The following ZNF496 variants were observed in gnomAD, a reference collection of about 807,000 sequenced individuals.
ZNF496 encodes zinc finger protein 496.
A neutral mutation model predicts 58.9 loss-of-function variants in ZNF496; 11 were observed. That is an observed-to-expected ratio of 0.19 (90% confidence interval 0.12 to 0.31). The LOEUF is 0.31. ZNF496 is among the 10% of genes least tolerant of loss of function. The probability of loss-of-function intolerance (pLI) is 1.00; values close to 1 mark genes in which losing one functional copy is unlikely to be tolerated. For synonymous variants in ZNF496, 338 were observed against 318.2 expected (o/e 1.06, Z -0.66); for missense variants, 660 against 783.0 (o/e 0.84, Z 1.88).
At chr1:247,314,789 C>T (rs1659718763) in intron 6 of ZNF496, among the ~76,000 whole-genome samples, 1 of 152,098 alleles carries the variant, frequency 6.6e-6, no homozygotes. Flanking sequence ...CTCTGTCGCC[C>T]AGGCTGAAGT....
In ZNF496 at chr1:247,308,705, T is replaced by TG; in HGVS notation, c.893-118dup. 1.0e-6 allele frequency: 1 copy of TG among 963,600 alleles called. No individual in the cohort carries two copies. The highest frequency in any genetic ancestry group is 1.5e-5 in the South Asian group (1 of 65,172). The allele number at this position is 963,600 out of a possible 1,614,324, so 59.7% of individuals were successfully genotyped here. On this transcript the variant is annotated intron_variant, in intron 8 of 9. Transcript: ENST00000682384. The surrounding 1 kb of genome is among the most constrained non-coding windows in gnomAD (Gnocchi z 4.5). ...CTGGGGGCGGCCCTGGGCTCCGTCCTGGGGACTGGCAGGGGGTGGCCACTC... is the reference window on the plus strand; with the variant it reads ...CTGGGGGCGGCCCTGGGCTCCGTCCTGGGGGACTGGCAGGGGGTGGCCACTC...
In ZNF496 at chr1:247,305,165, G is replaced by A. The variant is rs181156809; in HGVS notation, c.1006+3310C>T. 1.6e-3 allele frequency among the ~76,000 whole-genome samples: 251 copies of A among 152,208 alleles called. 2 individuals are homozygous for A. In the Middle Eastern group the frequency reaches 0.017, roughly 10 times the overall value. On this transcript the variant is annotated intron_variant, in intron 9 of 9. Coordinates refer to ENST00000682384, the MANE Select transcript of ZNF496 (RefSeq NM_032752.3). ...TATGGGTGGGTGGGCTCCCACATAT[G>A]GTGGGAGGCCGAGGCAGGAAAATTG...
chr1:247,329,630 A>G lies in ZNF496; in HGVS notation c.-37-15T>C. The G allele has an allele frequency of 6.6e-7, 1 of 1,513,586 alleles. No homozygotes were observed. The highest frequency in any genetic ancestry group is 8.8e-7 in the Non-Finnish European group (1 of 1,134,436). 93.8% of individuals were successfully genotyped at this position (1,513,586 alleles called of 1,614,324 possible). A position where few individuals can be genotyped will look rare whatever the true frequency, so the allele number is the denominator to read the frequency against. ...AGAAGACGACCCTATTTCCAAACAGAAATCACTGGCTTCAGTGTTCTGGTC... is the reference window on the plus strand; with the variant it reads ...AGAAGACGACCCTATTTCCAAACAGGAATCACTGGCTTCAGTGTTCTGGTC... On this transcript the variant is annotated splice_polypyrimidine_tract_variant and intron_variant, in intron 3 of 9. Transcript: ENST00000682384. This position sits in a 1 kb window ranked among gnomAD's most constrained non-coding sequence, Gnocchi z 5.5.
In ZNF496 at chr1:247,301,152, G is replaced by C. The variant is rs2103014584; in HGVS notation, c.1131C>G (p.Ser377Arg). ...GGAGGCTGCGCTGCTTCTCTGTGGG[G>C]CTCCCCAGCTCTTCTGTGCAGTACG... ...HGPYCTEELGSPTEKQRSLPA... is the reference protein window; with the variant it reads ...HGPYCTEELGRPTEKQRSLPA... The change falls in exon 10 of 10, where the codon AGC becomes AGG. Residue 377 changes from serine to arginine, a missense_variant. By Grantham distance (110) the Ser-to-Arg change is moderately radical. Coordinates refer to ENST00000682384, the MANE Select transcript of ZNF496 (RefSeq NM_032752.3). The C allele has an allele frequency of 6.2e-7, 1 of 1,613,134 alleles. No homozygotes were observed. The highest frequency in any genetic ancestry group is 2.2e-5 in the East Asian group (1 of 44,864).
chr1:247,307,551 G>A (rs1659456105), intron 9 of ZNF496: 2 of 985,308 alleles, frequency 2.0e-6, no homozygotes, highest in Non-Finnish European at 1.2e-6. Context: ...GCACGCAGAG[G>A]TGGGCTTCTT....
chr1:247,328,959 AG>A, intron 4 of ZNF496, 93 bp from the exon 5 acceptor site: 1 of 1,479,734 alleles, frequency 6.8e-7, no homozygotes, highest in South Asian at 1.3e-5. Context: ...TGACCATCAA[AG>A]GCTCAACTTA....
rs1384081716 is a variant in ZNF496 at position 247,300,547 on chromosome 1, C to T, written c.1736G>A (p.Arg579His). 3 of 1,610,878 alleles carry T rather than the reference C, an allele frequency of 1.9e-6. No individual in the cohort carries two copies. Among genetic ancestry groups the T allele is most frequent in the Non-Finnish European group, 2.5e-6 (3 of 1,177,722 alleles). Residue 579 changes from arginine to histidine, a missense_variant, in exon 10 of 10, where the codon CGT (arginine) becomes CAT (histidine). By Grantham distance (29) the Arg-to-His change is conservative (BLOSUM62 0). Coordinates refer to ENST00000682384, the MANE Select transcript of ZNF496 (RefSeq NM_032752.3). This position sits in a 1 kb window ranked among gnomAD's most constrained non-coding sequence, Gnocchi z 5.7. ...LRHERLHMKR[R>H]SKQALNSY Reference sequence around the variant, plus strand: ...GTAGGAGTTCAGAGCCTGCTTGGAACGGCGCTTCATGTGCAGGCGCTCGTG... The same window carrying T: ...GTAGGAGTTCAGAGCCTGCTTGGAATGGCGCTTCATGTGCAGGCGCTCGTG...
At chr1:247,303,661 A>C (rs759327553) in intron 9 of ZNF496, among the ~76,000 whole-genome samples, 4 of 152,228 alleles carry the variant, frequency 2.6e-5, no homozygotes, top group Non-Finnish European at 5.9e-5. Flanking sequence ...TACTGAGCTG[A>C]GGAGGTATCG....
Position 247,309,646 on chromosome 1 carries a change from G to T in ZNF496, c.892+53C>A. ...CCAGAGAGTGGGCTCACCTCCGGCT[G>T]CCAGCAACCCTTCCCCCTACTCTGT... On this transcript the variant is annotated intron_variant, in intron 8 of 9. Coordinates refer to ENST00000682384, the MANE Select transcript of ZNF496 (RefSeq NM_032752.3). This position sits in a 1 kb window ranked among gnomAD's most constrained non-coding sequence, Gnocchi z 4.3. 1.2e-6 allele frequency: 2 copies of T among 1,605,022 alleles called. No homozygotes were observed. The highest frequency in any genetic ancestry group is 1.7e-6 in the Non-Finnish European group (2 of 1,174,894).
At chr1:247,314,094 C>G (rs1467389410) in intron 6 of ZNF496, among the ~76,000 whole-genome samples, 1 of 152,174 alleles carries the variant, frequency 6.6e-6, no homozygotes, top group Admixed American at 6.5e-5. Context: ...GGGTCTCACT[C>G]TGTCACCCCG....
chr1:247,305,419 G>C (rs1022625766), intron 9 of ZNF496, among the ~76,000 whole-genome samples: 1 of 152,234 alleles, frequency 6.6e-6, no homozygotes, highest in Non-Finnish European at 1.5e-5. Flanking sequence ...AATTGCCCAA[G>C]GTTTCAGGGG....
intron 5 of ZNF496, among the ~76,000 whole-genome samples, chr1:247,324,732 ATTTT>A (rs969871844): frequency 6.6e-6 from 1 of 151,652 alleles, no homozygotes; most frequent in African/African-American, 2.4e-5. Context: ...AATACATACA[ATTTT>A]TTTTTGTCAA....
At position 247,309,650 on chromosome 1, in the gene ZNF496, G is replaced by A; in HGVS notation, c.892+49C>T. On this transcript the variant is annotated intron_variant, in intron 8 of 9. Transcript: ENST00000682384. This position sits in a 1 kb window ranked among gnomAD's most constrained non-coding sequence, Gnocchi z 4.3. The stretch of plus-strand genomic sequence containing the variant: ...AGAGTGGGCTCACCTCCGGCTGCCA[G>A]CAACCCTTCCCCCTACTCTGTCCAC... 6.2e-7 allele frequency: 1 copy of A among 1,606,588 alleles called. No individual in the cohort carries two copies. Among genetic ancestry groups the A allele is most frequent in the Non-Finnish European group, 8.5e-7 (1 of 1,175,710 alleles).
rs754776180 is a variant in ZNF496, at chr1:247,328,769, G to A, written c.488C>T (p.Ala163Val). Residue 163 changes from alanine to valine, a missense_variant, in exon 5 of 10, where the codon GCA (alanine) becomes GTA (valine). Coordinates refer to ENST00000682384, the MANE Select transcript of ZNF496 (RefSeq NM_032752.3). The part of the protein sequence containing the change: ...QLPVEPHSDL[A>V]KNQDAQPITL... The stretch of plus-strand genomic sequence containing the variant: ...TATGGGCTGGGCATCCTGGTTCTTT[G>A]CAAGGTCGCTGTGGGGCTCTACCGG... 1.2e-6 allele frequency: 2 copies of A among 1,613,768 alleles called. No individual in the cohort carries two copies. Among genetic ancestry groups the A allele is most frequent in the Non-Finnish European group, 1.7e-6 (2 of 1,179,894 alleles).
Position 247,309,553 on chromosome 1 carries a change from G to A in ZNF496, c.892+146C>T. Reference sequence around the variant, plus strand: ...CTTTCTATGAAAAGTCAGGGACAAGGCAAGACATGCAAGACCCACATAGAG... The same window carrying A: ...CTTTCTATGAAAAGTCAGGGACAAGACAAGACATGCAAGACCCACATAGAG... On this transcript the variant is annotated intron_variant, in intron 8 of 9. Transcript: ENST00000682384. This position sits in a 1 kb window ranked among gnomAD's most constrained non-coding sequence, Gnocchi z 4.3. 7.0e-7 allele frequency: 1 copy of A among 1,433,266 alleles called. No homozygotes were observed. Among genetic ancestry groups the A allele is most frequent in the Non-Finnish European group, 9.1e-7 (1 of 1,095,586 alleles). 88.8% of individuals were successfully genotyped at this position (1,433,266 alleles called of 1,614,324 possible). A position where few individuals can be genotyped will look rare whatever the true frequency, so the allele number is the denominator to read the frequency against.
intron 6 of ZNF496, among the ~76,000 whole-genome samples, chr1:247,318,797 C>A (rs530376614): frequency 7.7e-4 from 117 of 152,204 alleles, no homozygotes; most frequent in African/African-American, 2.7e-3. Context: ...AAACAGTAAG[C>A]CACAATATGG....
chr1:247,319,486 C>CA lies in ZNF496; in HGVS notation c.651+3667dup, dbSNP rs145489154. ...ACACAGAAAAATAGGAAAAAGGAAA[C>CA]AGAGAAACAGAAACAGAGCCAGAAA... On this transcript the variant is annotated intron_variant, in intron 6 of 9. Coordinates refer to ENST00000682384, the MANE Select transcript of ZNF496 (RefSeq NM_032752.3). Among the ~76,000 whole-genome samples the CA allele has an allele frequency of 1.6e-3, 236 of 152,240 alleles. 1 individual carries two copies. The highest frequency in any genetic ancestry group is 3.4e-3 in the African/African-American group (143 of 41,538).
Position 247,308,763 on chromosome 1 carries a change from G to T in ZNF496, c.893-175C>A, listed in dbSNP as rs1269625997. ...GTCTGCTGAGTGAATGAACCTGAAGGCAAAATGGGCCAACTCCACAAACAT... is the reference window on the plus strand; with the variant it reads ...GTCTGCTGAGTGAATGAACCTGAAGTCAAAATGGGCCAACTCCACAAACAT... On this transcript the variant is annotated intron_variant, in intron 8 of 9. Transcript: ENST00000682384. The surrounding 1 kb of genome is among the most constrained non-coding windows in gnomAD (Gnocchi z 4.5). 1 of 581,600 alleles carries T rather than the reference G, an allele frequency of 1.7e-6. No individual in the cohort carries two copies. Among genetic ancestry groups the T allele is most frequent in the East Asian group, 2.9e-5 (1 of 34,010 alleles). The allele number at this position is 581,600 out of a possible 1,614,324, so 36.0% of individuals were successfully genotyped here. A position where few individuals can be genotyped will look rare whatever the true frequency, so the allele number is the denominator to read the frequency against.
chr1:247,302,189 T>TA (rs1194202244), intron 9 of ZNF496, among the ~76,000 whole-genome samples: 3 of 151,990 alleles, frequency 2.0e-5, no homozygotes, highest in Non-Finnish European at 4.4e-5. Context: ...CCCTCCCAGA[T>TA]AAGAGTAGGA....
Sources: allele counts gnomAD v4.1 joint callset (sites outside exome capture counted in the v4.1 genomes callset), GRCh38; gene constraint gnomAD v4.1.1; non-coding constraint Gnocchi (gnomAD v3.1); transcripts MANE v1.5; gene names NCBI Gene and HGNC (gene_info 2026-07-23, HGNC 2026-07-21).